The following KAZN variants were observed in gnomAD, a reference collection of about 807,000 sequenced individuals.
The protein encoded by KAZN is kazrin.
In KAZN, 40 loss-of-function variants were observed where a neutral mutation model predicts 87.4. The ratio of observed to expected loss-of-function variants is 0.46; its 90% CI spans 0.36 to 0.60. KAZN has a LOEUF of 0.60. Among genes scored for constraint, KAZN ranks in the 20% least tolerant of loss-of-function variants. KAZN has a pLI of 0.00. For missense variants in KAZN, 898 were observed against 1,073.9 expected, an observed-to-expected ratio of 0.84 and a Z score of 2.29; for synonymous variants, 466 against 458.3, an observed-to-expected ratio of 1.02 and a Z score of -0.22.
intron 2 of KAZN, among the ~76,000 whole-genome samples, chr1:15,007,573 G>A (rs1669149716): frequency 1.3e-5 from 2 of 152,234 alleles, no homozygotes; most frequent in South Asian, 2.1e-4. Context: ...GGCTCGGGCC[G>A]AGCTCTGGTG....
Position 14,046,557 on chromosome 1 carries a change from G to A in KAZN, c.92-133878G>A, listed in dbSNP as rs544872241. On this transcript the variant is annotated intron_variant, in intron 1 of 16. Transcript: ENST00000636203. ...CACAAAACAGGTCATTTTTCCTCCC[G>A]CATAGAACTTGCTTGCAGAGATCAT... Among the ~76,000 whole-genome samples, 45 of 152,222 alleles carry A rather than the reference G, an allele frequency of 3.0e-4. 1 individual carries two copies. In the South Asian group the frequency reaches 5.4e-3, roughly 18 times the overall value.
intron 1 of KAZN, among the ~76,000 whole-genome samples, chr1:13,971,595 G>GTTT (rs34600098): frequency 6.9e-6 from 1 of 144,698 alleles, no homozygotes; most frequent in African/African-American, 2.5e-5. Flanking sequence ...ATCTTGTGAG[G>GTTT]TTTTTTTTTT....
In KAZN at chr1:14,619,887, G is replaced by A. The variant is rs536518351; in HGVS notation, c.226+20664G>A. Among the ~76,000 whole-genome samples, 9 of 152,300 alleles carry A rather than the reference G, an allele frequency of 5.9e-5. No individual in the cohort carries two copies. The South Asian group carries it at 6.2e-4, about 11-fold the overall frequency. ...CAGCACTTCATTCCTCTTTACGACC[G>A]TATAACATTCCAGTGTGTGGCTATA... On this transcript the variant is annotated intron_variant, in intron 1 of 14. Coordinates refer to ENST00000376030, the MANE Select transcript of KAZN (RefSeq NM_201628.3).
chr1:15,110,277 GTA>G lies in KAZN; in HGVS notation c.2049-2148_2049-2147del, dbSNP rs1641500001. 4.0e-5 allele frequency among the ~76,000 whole-genome samples: 6 copies of G among 151,630 alleles called. No individual in the cohort carries two copies. In the South Asian group the frequency reaches 1.0e-3, roughly 26 times the overall value. Reference sequence around the variant, plus strand: ...TGTGCACTTGTGTGTGTATATGTGTGTATGTTTGTGTGTGTGTATATGTATGT... The same window carrying G: ...TGTGCACTTGTGTGTGTATATGTGTGTGTTTGTGTGTGTGTATATGTATGT... On this transcript the variant is annotated intron_variant, in intron 13 of 14. Transcript: ENST00000376030.
intron 1 of KAZN, among the ~76,000 whole-genome samples, chr1:14,919,919 C>T (rs1248897215): frequency 6.6e-6 from 1 of 152,092 alleles, no homozygotes; most frequent in African/African-American, 2.4e-5. Context: ...GTAGCTATCT[C>T]GTGTAGGTTG....
chr1:15,065,095 G>A lies in KAZN; in HGVS notation c.1099-535G>A, dbSNP rs533724368. Among the ~76,000 whole-genome samples the A allele has an allele frequency of 1.9e-3, 262 of 136,408 alleles. 1 individual carries two copies. The highest frequency in any genetic ancestry group is 7.6e-3 in the African/African-American group (254 of 33,614). 89.5% of individuals were successfully genotyped at this position (136,408 alleles called of 152,430 possible). A position where few individuals can be genotyped will look rare whatever the true frequency, so the allele number is the denominator to read the frequency against. ...CGCCCAGGCTGCAGTGCAGTGGCGC[G>A]ATCCTGGCTCACCACAACCTCCTCC... is the stretch of plus-strand genomic sequence containing the variant. On this transcript the variant is annotated intron_variant, in intron 7 of 14. Coordinates refer to ENST00000376030, the MANE Select transcript of KAZN (RefSeq NM_201628.3).
intron 1 of KAZN, among the ~76,000 whole-genome samples, chr1:14,699,773 C>A (rs1641819245): frequency 6.6e-6 from 1 of 152,192 alleles, no homozygotes; most frequent in Admixed American, 6.5e-5. Flanking sequence ...AGAATCAGGT[C>A]TGATTTGCGG....
At chr1:14,387,065 A>C (rs1661977150) in intron 2 of KAZN, among the ~76,000 whole-genome samples, 1 of 151,754 alleles carries the variant, frequency 6.6e-6, no homozygotes, top group Non-Finnish European at 1.5e-5. Flanking sequence ...CATTCATTTC[A>C]TCTTCCATCG....
chr1:14,524,634 C>G (rs1200071328), intron 2 of KAZN, among the ~76,000 whole-genome samples: 2 of 152,180 alleles, frequency 1.3e-5, no homozygotes, highest in African/African-American at 2.4e-5. Context: ...TTTAACCCCC[C>G]AGGCATGTCA....
At chr1:13,998,321 G>A (rs572667426) in intron 1 of KAZN, among the ~76,000 whole-genome samples, 109 of 152,124 alleles carry the variant, frequency 7.2e-4, no homozygotes, top group Non-Finnish European at 1.2e-3. Flanking sequence ...ATCAACTAAT[G>A]TGCAAAATAA....
intron 1 of KAZN, among the ~76,000 whole-genome samples, chr1:14,790,802 C>G: frequency 6.6e-6 from 1 of 152,190 alleles, no homozygotes; most frequent in Non-Finnish European, 1.5e-5. Flanking sequence ...AAGCGATTCT[C>G]TCACCTCAGC....
chr1:15,086,611 T>A (rs1375610170), intron 8 of KAZN, among the ~76,000 whole-genome samples: 2 of 152,216 alleles, frequency 1.3e-5, no homozygotes, highest in African/African-American at 2.4e-5. Context: ...TTGGTAAACA[T>A]GTAAGTCAAT....
At chr1:15,065,992 A>G (rs1639198291) in intron 8 of KAZN, 1 of 1,338,028 alleles carries the variant, frequency 7.5e-7, no homozygotes, top group Non-Finnish European at 9.5e-7. Flanking sequence ...CTGCGTCGCC[A>G]CCTCTGTAAT....
At chr1:15,025,775 C>T (rs78566506) in intron 2 of KAZN, among the ~76,000 whole-genome samples, 2,158 of 152,170 alleles carry the variant, frequency 0.014, 55 homozygotes, top group African/African-American at 0.05. Flanking sequence ...TTGTTGGCTG[C>T]GCGAGCCGGT....
At chr1:14,760,431 T>G (rs1644707723) in intron 1 of KAZN, among the ~76,000 whole-genome samples, 1 of 152,196 alleles carries the variant, frequency 6.6e-6, no homozygotes, top group Non-Finnish European at 1.5e-5. Flanking sequence ...GGAGGTACTT[T>G]GCACAGTGAC....
intron 2 of KAZN, among the ~76,000 whole-genome samples, chr1:14,529,688 T>G (rs769950256): frequency 7.2e-5 from 11 of 152,110 alleles, no homozygotes; most frequent in Non-Finnish European, 1.5e-4. Context: ...AACCAGTGAA[T>G]AGTGGACACA....
rs139743563 is a variant in KAZN, at chr1:14,773,374, G to C, written c.226+174151G>C. ...TGCCCACGATGCCATTGCTTCAAAT[G>C]GCTTTCAACAACGCCCTCCACTCCA... On this transcript the variant is annotated intron_variant, in intron 1 of 14. Transcript: ENST00000376030. The surrounding 1 kb of genome is among the most constrained non-coding windows in gnomAD (Gnocchi z 5.9). Among the ~76,000 whole-genome samples, 48 of 152,162 alleles carry C rather than the reference G, an allele frequency of 3.2e-4. No individual in the cohort carries two copies. Among genetic ancestry groups the C allele is most frequent in the Middle Eastern group, 3.4e-3 (1 of 294 alleles).
intron 1 of KAZN, among the ~76,000 whole-genome samples, chr1:14,089,588 A>G (rs553896152): frequency 1.3e-5 from 2 of 152,292 alleles, no homozygotes; most frequent in Admixed American, 1.3e-4. Flanking sequence ...GCCTTATGCT[A>G]CTGTTATCAT....
intron 2 of KAZN, among the ~76,000 whole-genome samples, chr1:14,479,422 A>G (rs758676779): frequency 5.3e-5 from 8 of 152,156 alleles, no homozygotes; most frequent in Non-Finnish European, 1.2e-4. Context: ...TCTTAATAGC[A>G]TTCATAAGAA....
Sources: gnomAD v4.1 joint callset for allele counts (sites outside exome capture counted in the v4.1 genomes callset) on GRCh38, gnomAD v4.1.1 for gene constraint, Gnocchi (gnomAD v3.1) non-coding constraint, MANE v1.5 for transcripts, NCBI Gene and HGNC (gene_info 2026-07-23, HGNC 2026-07-21) for gene names.